Variants in RAP1A observed in about 807,000 individuals in gnomAD.
The protein encoded by RAP1A is ras-related protein Rap-1A.
In RAP1A, 6 loss-of-function variants were observed where a neutral mutation model predicts 26.4. The ratio of observed to expected loss-of-function variants is 0.23; its 90% CI spans 0.12 to 0.45. RAP1A has a LOEUF of 0.45. Ranked by LOEUF, RAP1A falls within the 20% of genes least tolerant of loss-of-function variation. RAP1A has a pLI of 0.99. For missense variants in RAP1A, 121 were observed against 217.2 expected (o/e 0.56, Z 2.78); for synonymous variants, 73 against 79.4 (o/e 0.92, Z 0.43).
intron 1 of RAP1A, among the ~76,000 whole-genome samples, chr1:111,585,507 G>T (rs1440353765): frequency 3.3e-5 from 5 of 151,872 alleles, no homozygotes; most frequent in Non-Finnish European, 7.4e-5. Flanking sequence ...CAGTAATACG[G>T]TTTTTTTGAT....
intron 1 of RAP1A, among the ~76,000 whole-genome samples, chr1:111,584,492 G>T (rs1419952464): frequency 6.6e-6 from 1 of 152,056 alleles, no homozygotes; most frequent in Non-Finnish European, 1.5e-5. Context: ...GCACCCTCAA[G>T]CCTCTTTTAT....
At chr1:111,664,488 T>C (rs927096619) in intron 1 of RAP1A, among the ~76,000 whole-genome samples, 2 of 151,756 alleles carry the variant, frequency 1.3e-5, no homozygotes, top group African/African-American at 4.8e-5. Flanking sequence ...TTTTTAAATA[T>C]AAGTTTTCTA....
At chr1:111,622,833 C>T (rs1213374646) in intron 1 of RAP1A, among the ~76,000 whole-genome samples, 1 of 152,128 alleles carries the variant, frequency 6.6e-6, no homozygotes, top group Non-Finnish European at 1.5e-5. Context: ...GGTCTCTGCC[C>T]TCAGGGAGTT....
intron 1 of RAP1A, among the ~76,000 whole-genome samples, chr1:111,645,832 A>G (rs1451458970): frequency 6.6e-6 from 1 of 152,210 alleles, no homozygotes; most frequent in Non-Finnish European, 1.5e-5. Flanking sequence ...TGTGTTCTTA[A>G]CTACTAAGCT....
intron 1 of RAP1A, among the ~76,000 whole-genome samples, chr1:111,621,222 G>GT (rs1659192180): frequency 6.6e-6 from 1 of 152,168 alleles, no homozygotes; most frequent in African/African-American, 2.4e-5. Context: ...AAGAGATGCT[G>GT]CTGGAAACAG....
At chr1:111,650,916 C>T (rs1025742737) in intron 1 of RAP1A, among the ~76,000 whole-genome samples, 9 of 152,128 alleles carry the variant, frequency 5.9e-5, no homozygotes. Context: ...ATTCTCCTGC[C>T]TCAGCCTCCC....
intron 1 of RAP1A, among the ~76,000 whole-genome samples, chr1:111,657,130 G>T (rs1660486455): frequency 6.6e-6 from 1 of 151,994 alleles, no homozygotes; most frequent in Non-Finnish European, 1.5e-5. Context: ...GTGCATCAAA[G>T]AACACATCAA....
chr1:111,550,602 T>C (rs527376373), intron 1 of RAP1A, among the ~76,000 whole-genome samples: 1 of 152,362 alleles, frequency 6.6e-6, no homozygotes, highest in South Asian at 2.1e-4. Context: ...CACTGTTGTT[T>C]AAGAGTTTCT....
intron 1 of RAP1A, among the ~76,000 whole-genome samples, chr1:111,661,229 G>A (rs1660626577): frequency 6.6e-6 from 1 of 152,210 alleles, no homozygotes; most frequent in South Asian, 2.1e-4. Flanking sequence ...AATCACTGAA[G>A]TATCTGAACT....
chr1:111,613,198 T>C (rs1658954914), intron 1 of RAP1A, among the ~76,000 whole-genome samples: 1 of 151,896 alleles, frequency 6.6e-6, no homozygotes, highest in African/African-American at 2.4e-5. Context: ...CTCTTTTTCT[T>C]TTTCTTTTTC....
intron 1 of RAP1A, among the ~76,000 whole-genome samples, chr1:111,637,259 A>G (rs973843371): frequency 5.9e-5 from 9 of 152,170 alleles, no homozygotes; most frequent in South Asian, 2.1e-4. Context: ...TACTTTTTCA[A>G]TTAGTTAAAT....
At chr1:111,700,443 ACC>A (rs1661985205) in intron 4 of RAP1A, among the ~76,000 whole-genome samples, 1 of 152,096 alleles carries the variant, frequency 6.6e-6, no homozygotes, top group South Asian at 2.1e-4. Context: ...CTTTTAAACA[ACC>A]AGATCTCACG....
chr1:111,691,457 A>C (rs1400197211), intron 2 of RAP1A, 40 bp downstream of exon 2: 2 of 1,551,834 alleles, frequency 1.3e-6, no homozygotes, highest in African/African-American at 2.7e-5. Flanking sequence ...AATATAATAC[A>C]AGAAGAATTT....
chr1:111,601,965 G>A (rs1326193089), intron 1 of RAP1A, among the ~76,000 whole-genome samples: 3 of 152,148 alleles, frequency 2.0e-5, no homozygotes, highest in African/African-American at 7.2e-5. Context: ...AAGTGATTCA[G>A]GGTAAACTTT....
intron 1 of RAP1A, among the ~76,000 whole-genome samples, chr1:111,542,796 A>G (rs1656886866): frequency 6.6e-6 from 1 of 152,000 alleles, no homozygotes; most frequent in South Asian, 2.1e-4. Context: ...TCCCGGGTTC[A>G]AGTGATTCTC....
At chr1:111,584,216 G>A (rs966224900) in intron 1 of RAP1A, among the ~76,000 whole-genome samples, 12 of 152,140 alleles carry the variant, frequency 7.9e-5, no homozygotes, top group Non-Finnish European at 1.3e-4. Context: ...GTCATGCATA[G>A]AGAAATGATT....
At chr1:111,669,292 A>G (rs141612649) in intron 1 of RAP1A, among the ~76,000 whole-genome samples, 6 of 152,340 alleles carry the variant, frequency 3.9e-5, no homozygotes, top group East Asian at 1.9e-4. Context: ...TCTGTTGCCT[A>G]GCTAAAACTT....
At chr1:111,605,607 T>G (rs897593346) in intron 1 of RAP1A, among the ~76,000 whole-genome samples, 1 of 152,216 alleles carries the variant, frequency 6.6e-6, no homozygotes, top group African/African-American at 2.4e-5. Context: ...GTTAAAGATG[T>G]TTCTGTCTTG....
At chr1:111,649,422 C>T (rs2076585) in intron 1 of RAP1A, 118,275 of 355,872 alleles carry the variant, frequency 0.33, 20,288 homozygotes, top group East Asian at 0.46. Flanking sequence ...GAGTGGGACA[C>T]GGAGATCTGG....
Sources: gnomAD v4.1 joint callset for allele counts (sites outside exome capture counted in the v4.1 genomes callset) on GRCh38, gnomAD v4.1.1 for gene constraint, MANE v1.5 for transcripts, NCBI Gene and HGNC (gene_info 2026-07-23, HGNC 2026-07-21) for gene names.